KLF12: variants seen among roughly 807,000 people sequenced by gnomAD.
KLF12 encodes the protein KLF transcription factor 12.
A neutral mutation model predicts 37.8 loss-of-function variants in KLF12; 9 were observed. The ratio of observed to expected loss-of-function variants is 0.24; its 90% CI spans 0.14 to 0.42. The LOEUF (loss-of-function observed/expected upper bound fraction) is 0.42. KLF12 is among the 10% of genes least tolerant of loss of function. KLF12 has a pLI of 1.00. For missense variants in KLF12, 411 were observed against 516.0 expected (o/e 0.80, Z 1.97); for synonymous variants, 208 against 202.1 (o/e 1.03, Z -0.25).
At chr13:73,798,787 A>T (rs1168492648) in intron 5 of KLF12, among the ~76,000 whole-genome samples, 2 of 152,220 alleles carry the variant, frequency 1.3e-5, no homozygotes, top group African/African-American at 4.8e-5. Flanking sequence ...TTGCAGAGAA[A>T]AGGAACGTTT....
At chr13:74,130,207 G>C (rs1878183637) in intron 1 of KLF12, among the ~76,000 whole-genome samples, 2 of 152,162 alleles carry the variant, frequency 1.3e-5, no homozygotes, top group South Asian at 4.1e-4. Context: ...ACAGTTAAAA[G>C]TTCAAAGCTG....
intron 5 of KLF12, among the ~76,000 whole-genome samples, chr13:73,773,207 T>C (rs181105461): frequency 6.6e-6 from 1 of 152,292 alleles, no homozygotes; most frequent in Non-Finnish European, 1.5e-5. Context: ...GGAGGCAGAA[T>C]TTAAGTGAGA....
At chr13:73,794,281 C>G (rs530894994) in intron 5 of KLF12, among the ~76,000 whole-genome samples, 1 of 152,098 alleles carries the variant, frequency 6.6e-6, no homozygotes, top group African/African-American at 2.4e-5. Flanking sequence ...GCCAACATGG[C>G]GAAACCCTGT....
At chr13:73,755,777 A>G (rs1879120995) in intron 6 of KLF12, among the ~76,000 whole-genome samples, 1 of 149,598 alleles carries the variant, frequency 6.7e-6, no homozygotes. Flanking sequence ...CCAAGTCCCC[A>G]AAGTCCATTC....
chr13:74,214,422 C>T, the KLF12 span, among the ~76,000 whole-genome samples: 2 of 152,118 alleles, frequency 1.3e-5, no homozygotes, highest in Non-Finnish European at 2.9e-5. Context: ...AGTTAACATC[C>T]TCGTTGTTCA....
chr13:73,990,726 A>T, intron 2 of KLF12, among the ~76,000 whole-genome samples: 1 of 152,210 alleles, frequency 6.6e-6, no homozygotes, highest in East Asian at 1.9e-4. Flanking sequence ...ACTGTTAATA[A>T]TATCATTTTG....
intron 2 of KLF12, among the ~76,000 whole-genome samples, chr13:73,961,675 G>A (rs1482926438): frequency 3.3e-5 from 5 of 152,138 alleles, no homozygotes; most frequent in Non-Finnish European, 7.3e-5. Context: ...AGGAGTGTGT[G>A]TTATAATGAG....
At chr13:73,947,470 G>A (rs1393052569) in intron 2 of KLF12, among the ~76,000 whole-genome samples, 1 of 151,966 alleles carries the variant, frequency 6.6e-6, no homozygotes, top group African/African-American at 2.4e-5. Context: ...GGCCAACATA[G>A]TCAAACTCTG....
chr13:74,148,115 CTG>C, the KLF12 span, among the ~76,000 whole-genome samples: 3 of 151,916 alleles, frequency 2.0e-5, no homozygotes. Flanking sequence ...CGGGGTTTCA[CTG>C]TGTTGGCCAG....
intron 2 of KLF12, among the ~76,000 whole-genome samples, chr13:73,980,470 G>A (rs1891662438): frequency 6.6e-6 from 1 of 151,600 alleles, no homozygotes; most frequent in South Asian, 2.1e-4. Flanking sequence ...ATATCCCAGT[G>A]GGATATAAAA....
At chr13:73,946,867 A>C (rs1201030851) in intron 2 of KLF12, among the ~76,000 whole-genome samples, 1 of 152,228 alleles carries the variant, frequency 6.6e-6, no homozygotes, top group Admixed American at 6.5e-5. Context: ...AGCATGCTCC[A>C]AACTATCTAG....
chr13:73,743,987 G>C (rs1482216665), intron 6 of KLF12, among the ~76,000 whole-genome samples: 3 of 152,306 alleles, frequency 2.0e-5, no homozygotes, highest in Non-Finnish European at 4.4e-5. Context: ...AGAAGTACTT[G>C]CAAGAACTTT....
At chr13:74,171,345 C>G in the KLF12 span, among the ~76,000 whole-genome samples, 1 of 152,154 alleles carries the variant, frequency 6.6e-6, no homozygotes, top group Non-Finnish European at 1.5e-5. Context: ...GAAGGCTGCT[C>G]TTGGCATTCT....
chr13:74,251,902 T>C, the KLF12 span, among the ~76,000 whole-genome samples: 1 of 152,180 alleles, frequency 6.6e-6, no homozygotes, highest in Non-Finnish European at 1.5e-5. Flanking sequence ...AGACCCCAGT[T>C]GCAAGCGGGC....
At chr13:74,236,198 G>A in the KLF12 span, among the ~76,000 whole-genome samples, 12 of 138,504 alleles carry the variant, frequency 8.7e-5, no homozygotes, top group Non-Finnish European at 1.8e-4. Context: ...TGCGGTGTTT[G>A]GTTTTTTGTT....
At chr13:73,820,387 TCAAA>T (rs771821796) in intron 4 of KLF12, among the ~76,000 whole-genome samples, 96 of 152,312 alleles carry the variant, frequency 6.3e-4, no homozygotes, top group Admixed American at 2.2e-3. Context: ...TATCAGTTGT[TCAAA>T]CAGACTATTT....
chr13:73,815,040 T>C (rs562125097), intron 4 of KLF12, among the ~76,000 whole-genome samples: 2 of 139,378 alleles, frequency 1.4e-5, no homozygotes, highest in African/African-American at 5.2e-5. Context: ...TCTGGCCTTG[T>C]CTTAAAAAAA....
chr13:73,689,367 T>C lies in KLF12; in HGVS notation c.*6123A>G, dbSNP rs931813307. The C allele has an allele frequency of 2.6e-5, 4 of 152,148 alleles. No homozygotes were observed. Among genetic ancestry groups the C allele is most frequent in the African/African-American group, 9.7e-5 (4 of 41,434 alleles). 9.4% of individuals were successfully genotyped at this position (152,148 alleles called of 1,614,324 possible). ...TGAATGTTTAATCACAGTCCTACTT[T>C]TAAAATTGCCCTTACCCGATGTGTG... On this transcript the variant is annotated 3_prime_UTR_variant, in exon 8 of 8. Transcript: ENST00000377669.
chr13:73,994,530 A>G (rs1892055147), intron 2 of KLF12, among the ~76,000 whole-genome samples: 1 of 151,166 alleles, frequency 6.6e-6, no homozygotes, highest in South Asian at 2.1e-4. Context: ...AAAGTTTTCC[A>G]TGATGATCCT....
Sources: allele counts gnomAD v4.1 joint callset (sites outside exome capture counted in the v4.1 genomes callset), GRCh38; gene constraint gnomAD v4.1.1; transcripts MANE v1.5; gene names NCBI Gene and HGNC (gene_info 2026-07-23, HGNC 2026-07-21).